Variants in DLG2 observed in about 807,000 individuals in gnomAD.
DLG2 encodes discs large MAGUK scaffold protein 2.
In DLG2, 45 loss-of-function variants were observed where a neutral mutation model predicts 132.5. That is an observed-to-expected ratio of 0.34 (90% CI 0.27 to 0.44). The LOEUF (loss-of-function observed/expected upper bound fraction) is 0.44, where lower values mean the gene tolerates loss of function less well. Ranked by LOEUF, DLG2 falls within the 20% of genes least tolerant of loss-of-function variation. DLG2 has a pLI of 1.00. For missense variants in DLG2, 1,045 were observed against 1,196.9 expected (o/e 0.87, Z 1.87); for synonymous variants, 424 against 419.6 (o/e 1.01, Z -0.13).
At chr11:84,658,625 A>T (rs965044959) in intron 6 of DLG2, among the ~76,000 whole-genome samples, 2 of 152,088 alleles carry the variant, frequency 1.3e-5, no homozygotes, top group African/African-American at 2.4e-5. Flanking sequence ...GTAATGAGTT[A>T]GTTCTCACTC....
chr11:84,069,971 T>C (rs1215448739), intron 10 of DLG2, among the ~76,000 whole-genome samples: 12 of 152,226 alleles, frequency 7.9e-5, no homozygotes, highest in African/African-American at 2.9e-4. Context: ...GAGGTGCTGG[T>C]ACCTACCACC....
intron 19 of DLG2, among the ~76,000 whole-genome samples, chr11:83,544,814 G>A (rs2096193205): frequency 6.6e-6 from 1 of 152,122 alleles, no homozygotes; most frequent in African/African-American, 2.4e-5. Flanking sequence ...TGTGGTGGAG[G>A]TTGAATATAA....
chr11:85,140,745 C>T (rs2076416768), intron 5 of DLG2, among the ~76,000 whole-genome samples: 1 of 151,722 alleles, frequency 6.6e-6, no homozygotes, highest in Non-Finnish European at 1.5e-5. Context: ...CTACTCTTCC[C>T]AGCCTTAGGT....
At chr11:84,579,013 C>G (rs1346853012) in intron 6 of DLG2, among the ~76,000 whole-genome samples, 1 of 152,152 alleles carries the variant, frequency 6.6e-6, no homozygotes, top group Non-Finnish European at 1.5e-5. Flanking sequence ...TTACTTCTTT[C>G]CCATTTTTCT....
chr11:84,156,194 G>C (rs553777890), intron 9 of DLG2, among the ~76,000 whole-genome samples: 10 of 152,094 alleles, frequency 6.6e-5, no homozygotes, highest in African/African-American at 2.4e-4. Context: ...AATCTGAGCC[G>C]CTCAGCCATA....
chr11:85,577,380 T>A (rs1351042541), intron 3 of DLG2, among the ~76,000 whole-genome samples: 3 of 152,054 alleles, frequency 2.0e-5, no homozygotes, highest in African/African-American at 7.2e-5. Context: ...ATAGATTGTA[T>A]TGGGGTGCAA....
chr11:83,792,100 C>T (rs1166778176), intron 17 of DLG2, among the ~76,000 whole-genome samples: 1 of 152,182 alleles, frequency 6.6e-6, no homozygotes, highest in South Asian at 2.1e-4. Context: ...TAATGAAAGC[C>T]CAGTATTCCA....
chr11:84,539,685 T>G (rs2099363476), intron 6 of DLG2, among the ~76,000 whole-genome samples: 1 of 152,194 alleles, frequency 6.6e-6, no homozygotes, highest in Non-Finnish European at 1.5e-5. Flanking sequence ...TGATTCTTCC[T>G]AACCATGAGC....
chr11:85,558,837 C>G (rs564399941), intron 3 of DLG2, among the ~76,000 whole-genome samples: 4 of 151,954 alleles, frequency 2.6e-5, no homozygotes, highest in African/African-American at 7.2e-5. Flanking sequence ...CTACTGGGTA[C>G]TATGCCCAGT....
intron 2 of DLG2, among the ~76,000 whole-genome samples, chr11:85,613,994 G>A (rs897967363): frequency 6.6e-6 from 1 of 152,128 alleles, no homozygotes; most frequent in Non-Finnish European, 1.5e-5. Context: ...GCACCGCGAA[G>A]GTCTGCAGCT....
chr11:83,720,247 C>T (rs1258177882), intron 18 of DLG2, among the ~76,000 whole-genome samples: 1 of 125,736 alleles, frequency 8.0e-6, no homozygotes, highest in Non-Finnish European at 1.6e-5. Flanking sequence ...GAGCCAACAT[C>T]ACACCACTGC....
chr11:84,873,737 G>T (rs2154046082), intron 6 of DLG2, among the ~76,000 whole-genome samples: 1 of 152,272 alleles, frequency 6.6e-6, no homozygotes, highest in South Asian at 2.1e-4. Flanking sequence ...CCGTGTTGAG[G>T]TTCATTGAGC....
intron 6 of DLG2, among the ~76,000 whole-genome samples, chr11:84,837,708 G>A (rs181760496): frequency 6.6e-6 from 1 of 151,926 alleles, no homozygotes; most frequent in East Asian, 1.9e-4. Flanking sequence ...AAGCATAAGG[G>A]CATTCAAGGG....
At chr11:85,126,872 C>T (rs2075174752) in intron 5 of DLG2, among the ~76,000 whole-genome samples, 2 of 152,136 alleles carry the variant, frequency 1.3e-5, no homozygotes. Context: ...GATAGGTACC[C>T]TTTCATGGAT....
chr11:85,030,893 T>A (rs1459165833), intron 6 of DLG2, among the ~76,000 whole-genome samples: 1 of 152,078 alleles, frequency 6.6e-6, no homozygotes, highest in Non-Finnish European at 1.5e-5. Context: ...AAGCATTACA[T>A]CTGCAATTTC....
intron 4 of DLG2, among the ~76,000 whole-genome samples, chr11:85,199,117 G>A (rs957795890): frequency 3.3e-5 from 5 of 152,152 alleles, no homozygotes; most frequent in African/African-American, 9.7e-5. Flanking sequence ...GTACAAAAAT[G>A]TTCAGAGCAA....
At chr11:85,006,864 TG>T (rs1328413745) in intron 6 of DLG2, among the ~76,000 whole-genome samples, 3 of 152,162 alleles carry the variant, frequency 2.0e-5, no homozygotes, top group Non-Finnish European at 4.4e-5. Flanking sequence ...TCTGTGGGCA[TG>T]TAGTGCTACA....
intron 3 of DLG2, among the ~76,000 whole-genome samples, chr11:85,497,590 A>G (rs1343262664): frequency 6.6e-6 from 1 of 152,214 alleles, no homozygotes; most frequent in Admixed American, 6.5e-5. Flanking sequence ...CCACAAAGAT[A>G]TTCCTTGAAA....
intron 7 of DLG2, among the ~76,000 whole-genome samples, chr11:84,436,957 C>T (rs1246640314): frequency 6.6e-6 from 1 of 152,110 alleles, no homozygotes; most frequent in African/African-American, 2.4e-5. Context: ...CACTGTAACA[C>T]ATGTACTAGA....
Sources: allele counts gnomAD v4.1 joint callset (sites outside exome capture counted in the v4.1 genomes callset), GRCh38; gene constraint gnomAD v4.1.1; transcripts MANE v1.5; gene names NCBI Gene and HGNC (gene_info 2026-07-23, HGNC 2026-07-21).